PCDHA8: variants seen among roughly 807,000 people sequenced by gnomAD.
PCDHA8 encodes the protein protocadherin alpha-8.
Under a neutral mutation model 61.8 loss-of-function variants are expected in PCDHA8, and 53 were observed. That is an observed-to-expected ratio of 0.86 (90% CI 0.69 to 1.08). PCDHA8 has a LOEUF of 1.08. Ranked by LOEUF, PCDHA8 falls within the 50% of genes least tolerant of loss-of-function variation. PCDHA8 has a pLI of 0.00. For missense variants in PCDHA8, 1,293 were observed against 1,245.0 expected, an observed-to-expected ratio of 1.04 and a Z score of -0.58; for synonymous variants, 618 against 556.6, an observed-to-expected ratio of 1.11 and a Z score of -1.55.
intron 1 of PCDHA8, among the ~76,000 whole-genome samples, chr5:140,958,679 A>G (rs1317780380): frequency 6.6e-6 from 1 of 152,200 alleles, no homozygotes; most frequent in Non-Finnish European, 1.5e-5. Context: ...ATTATAAAGG[A>G]TATTGAATAT....
intron 1 of PCDHA8, among the ~76,000 whole-genome samples, chr5:140,970,314 A>G (rs141905108): frequency 0.01 from 1,597 of 152,320 alleles, 13 homozygotes; most frequent in Middle Eastern, 0.014. Flanking sequence ...AAGTTAAATG[A>G]CAGTACTTCC....
At position 140,859,346 on chromosome 5, in the gene PCDHA8, T is replaced by G. The variant is rs978302846; in HGVS notation, c.2394+15631T>G. On this transcript the variant is annotated intron_variant, in intron 1 of 3. Transcript: ENST00000531613. ...AGGAGAAAATAAAATTAATGTTTTCTACTGATCTGATATATTGTATAGTTT... is the reference window on the plus strand; with the variant it reads ...AGGAGAAAATAAAATTAATGTTTTCGACTGATCTGATATATTGTATAGTTT... 7 of 128,770 alleles carry G rather than the reference T, an allele frequency of 5.4e-5. 1 individual carries two copies. In the Admixed American group the frequency reaches 5.5e-4, roughly 10 times the overall value. 8.0% of individuals were successfully genotyped at this position (128,770 alleles called of 1,614,324 possible).
chr5:140,875,984 C>T (rs2056022183), intron 1 of PCDHA8: 1 of 1,613,870 alleles, frequency 6.2e-7, no homozygotes, highest in East Asian at 2.2e-5. Flanking sequence ...TTGACCTATG[C>T]GTTAAGTCTA....
chr5:140,858,335 C>T, intron 1 of PCDHA8: 1 of 1,595,924 alleles, frequency 6.3e-7, no homozygotes, highest in Non-Finnish European at 8.6e-7. Flanking sequence ...GGAGGGCCTG[C>T]CCAAGGCGGA....
rs1554262625 is a variant in PCDHA8, at chr5:141,009,974, T to A, written c.*37T>A. 3 of 1,585,642 alleles carry A rather than the reference T, an allele frequency of 1.9e-6. No homozygotes were observed. The highest frequency in any genetic ancestry group is 2.6e-6 in the Non-Finnish European group (3 of 1,169,212). ...GGAAACAAGCCACTTAGCCAGTTTT[T>A]GTAATAATGGCAAATCTCTCCCATG... On this transcript the variant is annotated 3_prime_UTR_variant, in exon 4 of 4. Transcript: ENST00000531613.
chr5:140,979,060 C>T, intron 2 of PCDHA8, 53 bp downstream of exon 2: 1 of 1,606,180 alleles, frequency 6.2e-7, no homozygotes, highest in Non-Finnish European at 8.5e-7. Context: ...TGGTATGGCT[C>T]AGATAAACTG....
rs1329189325 is a variant in PCDHA8, at chr5:141,010,310, G to C, written c.*373G>C. The C allele has an allele frequency of 6.5e-7, 1 of 1,547,658 alleles. No individual in the cohort carries two copies. The highest frequency in any genetic ancestry group is 8.7e-7 in the Non-Finnish European group (1 of 1,145,866). ...CTTGCAGGGCAGGCTGAAAAGTTTT[G>C]AGATTGAGCAGCTTGGGAGTTTGTG... On this transcript the variant is annotated 3_prime_UTR_variant, in exon 4 of 4. Coordinates refer to ENST00000531613, the MANE Select transcript of PCDHA8 (RefSeq NM_018911.3).
chr5:141,002,649 T>C (rs2098089134), intron 3 of PCDHA8, among the ~76,000 whole-genome samples: 2 of 152,214 alleles, frequency 1.3e-5, no homozygotes, highest in South Asian at 2.1e-4. Context: ...GTCTACTTCA[T>C]AGGGCTCTTG....
chr5:140,920,692 A>T (rs552577858), intron 1 of PCDHA8, among the ~76,000 whole-genome samples: 7 of 152,114 alleles, frequency 4.6e-5, no homozygotes, highest in Non-Finnish European at 7.4e-5. Flanking sequence ...AAAAATACAA[A>T]CATTAGCTTG....
chr5:140,998,321 G>A lies in PCDHA8; in HGVS notation c.2543-11306G>A, dbSNP rs79793895. On this transcript the variant is annotated intron_variant, in intron 3 of 3. Coordinates refer to ENST00000531613, the MANE Select transcript of PCDHA8 (RefSeq NM_018911.3). ...TTTAGTAAGGGCACCAGGATCTGAA[G>A]CAGGATTGTTTGACTTCTGAGTCTG... is the stretch of plus-strand genomic sequence containing the variant. 9.8e-3 allele frequency among the ~76,000 whole-genome samples: 1,493 copies of A among 152,278 alleles called. 32 individuals carry two copies. The highest frequency in any genetic ancestry group is 0.034 in the African/African-American group (1,408 of 41,548).
intron 1 of PCDHA8, chr5:140,884,380 C>T (rs1281344307): frequency 6.2e-7 from 1 of 1,613,980 alleles, no homozygotes; most frequent in Non-Finnish European, 8.5e-7. Context: ...TCATTGCCAT[C>T]TGCGCGGTGT....
At chr5:140,871,934 C>T (rs2053394158) in intron 1 of PCDHA8, among the ~76,000 whole-genome samples, 1 of 152,222 alleles carries the variant, frequency 6.6e-6, no homozygotes, top group Non-Finnish European at 1.5e-5. Flanking sequence ...GTTAGATCAA[C>T]TGGCTTTGTT....
rs1397274162 is a variant in PCDHA8, at chr5:140,845,104, T to G, written c.2394+1389T>G. 8.0e-5 allele frequency among the ~76,000 whole-genome samples: 12 copies of G among 149,722 alleles called. 2 individuals are homozygous for G. In the Admixed American group the frequency reaches 8.0e-4, roughly 10 times the overall value. On this transcript the variant is annotated intron_variant, in intron 1 of 3. Transcript: ENST00000531613. ...GTAGTTTATTTTACAGTTCTCTTAA[T>G]GCCTGTCCATGTTTAGCATTTTATT... is the stretch of plus-strand genomic sequence containing the variant.
intron 1 of PCDHA8, among the ~76,000 whole-genome samples, chr5:140,952,656 T>A (rs1554220534): frequency 6.6e-6 from 1 of 152,188 alleles, no homozygotes; most frequent in Admixed American, 6.5e-5. Flanking sequence ...GTTACCCAGT[T>A]CCAAAGTCAC....
chr5:140,996,630 A>G (rs765477034), intron 3 of PCDHA8, among the ~76,000 whole-genome samples: 10 of 152,210 alleles, frequency 6.6e-5, no homozygotes, highest in Non-Finnish European at 1.5e-4. Flanking sequence ...TGGTTCCTGC[A>G]AATTATGTAG....
chr5:140,858,135 T>C, intron 1 of PCDHA8: 1 of 1,597,450 alleles, frequency 6.3e-7, no homozygotes. Context: ...GATGTCAACG[T>C]GTACCTGATC....
chr5:140,926,745 C>T (rs1344644551), intron 1 of PCDHA8: 3 of 1,219,360 alleles, frequency 2.5e-6, no homozygotes, highest in Non-Finnish European at 3.2e-6. Flanking sequence ...GGCGCAACGT[C>T]GGCGGTCGCT....
At chr5:140,936,124 C>T (rs2090779585) in intron 1 of PCDHA8, among the ~76,000 whole-genome samples, 1 of 152,130 alleles carries the variant, frequency 6.6e-6, no homozygotes, top group African/African-American at 2.4e-5. Context: ...AACTCCTGAC[C>T]TTAAGTGATC....
At chr5:140,999,855 G>A (rs1019104615) in intron 3 of PCDHA8, among the ~76,000 whole-genome samples, 8 of 152,094 alleles carry the variant, frequency 5.3e-5, no homozygotes, top group Admixed American at 2.6e-4. Context: ...TATCTCTTCC[G>A]CTCCAAGATT....
Sources: gnomAD v4.1 joint callset for allele counts (sites outside exome capture counted in the v4.1 genomes callset) on GRCh38, gnomAD v4.1.1 for gene constraint, MANE v1.5 for transcripts, NCBI Gene and HGNC (gene_info 2026-07-23, HGNC 2026-07-21) for gene names.